The following STXBP3 variants were observed in gnomAD, a reference collection of about 807,000 sequenced individuals.
The protein encoded by STXBP3 is syntaxin binding protein 3.
Under a neutral mutation model 85.7 loss-of-function variants are expected in STXBP3, and 41 were observed. The ratio of observed to expected loss-of-function variants is 0.48; its 90% CI spans 0.37 to 0.62. The LOEUF (loss-of-function observed/expected upper bound fraction) is 0.62, where lower values mean the gene tolerates loss of function less well. Ranked by LOEUF, STXBP3 falls within the 20% of genes least tolerant of loss-of-function variation. STXBP3 has a pLI of 0.00. For missense variants in STXBP3, 563 were observed against 703.1 expected (o/e 0.80, Z 2.25); for synonymous variants, 229 against 231.7 (o/e 0.99, Z 0.10).
intron 13 of STXBP3, 121 bp from the exon 14 acceptor site, chr1:108,796,113 T>G: frequency 3.0e-6 from 3 of 993,924 alleles, no homozygotes; most frequent in Non-Finnish European, 4.4e-6. Context: ...GTGATCTGCC[T>G]TGGCCTCCCA....
At chr1:108,800,451 C>A in intron 17 of STXBP3, 146 bp downstream of exon 17, 2 of 567,596 alleles carry the variant, frequency 3.5e-6, no homozygotes, top group South Asian at 2.5e-5. Flanking sequence ...TTAAATGAAT[C>A]CAGATAAGCA....
At chr1:108,773,861 G>A (rs899668874) in intron 7 of STXBP3, among the ~76,000 whole-genome samples, 35 of 151,794 alleles carry the variant, frequency 2.3e-4, no homozygotes, top group African/African-American at 7.5e-4. Context: ...GCATTATATC[G>A]AGATGACGAA....
chr1:108,777,691 G>T (rs1401097213), intron 8 of STXBP3, among the ~76,000 whole-genome samples: 4 of 152,114 alleles, frequency 2.6e-5, no homozygotes, highest in African/African-American at 4.8e-5. Context: ...TTTCTGCCTG[G>T]AAAATTAATC....
At chr1:108,786,320 G>A (rs1345911058) in intron 11 of STXBP3, among the ~76,000 whole-genome samples, 1 of 152,116 alleles carries the variant, frequency 6.6e-6, no homozygotes, top group African/African-American at 2.4e-5. Context: ...ACTATCACAA[G>A]AACAGCATGG....
Position 108,772,838 on chromosome 1 carries a change from G to T in STXBP3, c.593+19G>T, listed in dbSNP as rs755259572. 1.3e-6 allele frequency: 2 copies of T among 1,563,432 alleles called. No individual in the cohort carries two copies. Among genetic ancestry groups the T allele is most frequent in the Non-Finnish European group, 1.7e-6 (2 of 1,150,936 alleles). On this transcript the variant is annotated intron_variant, in intron 7 of 18. Transcript: ENST00000370008. ...ATAAAAGGTAAGACACTGAGCATCT[G>T]CACATGTTATGCTTCCTATTTACCA...
intron 6 of STXBP3, among the ~76,000 whole-genome samples, chr1:108,771,369 T>C (rs1557805347): frequency 8.3e-6 from 1 of 120,960 alleles, no homozygotes; most frequent in African/African-American, 3.2e-5. Flanking sequence ...GATATATATC[T>C]ATATATATAT....
chr1:108,760,893 T>C (rs369310958), intron 6 of STXBP3, among the ~76,000 whole-genome samples: 166 of 152,020 alleles, frequency 1.1e-3, no homozygotes, highest in African/African-American at 3.8e-3. Context: ...TACTGCTGGG[T>C]TTTTTGTTTT....
rs1473257628 is a variant in STXBP3, at chr1:108,771,583, T to A, written c.439-1082T>A. On this transcript the variant is annotated intron_variant, in intron 6 of 18. Transcript: ENST00000370008. Reference sequence around the variant, plus strand: ...GATATATAAATATATATGATATATATCTATATATATCATATATAAATATAT... The same window carrying A: ...GATATATAAATATATATGATATATAACTATATATATCATATATAAATATAT... 9.3e-5 allele frequency among the ~76,000 whole-genome samples: 3 copies of A among 32,150 alleles called. No individual in the cohort carries two copies. In the East Asian group the frequency reaches 1.1e-3, roughly 12 times the overall value. 21.1% of individuals were successfully genotyped at this position (32,150 alleles called of 152,430 possible).
intron 1 of STXBP3, among the ~76,000 whole-genome samples, chr1:108,751,462 G>A (rs1007277976): frequency 2.0e-5 from 3 of 151,448 alleles, no homozygotes; most frequent in Non-Finnish European, 2.9e-5. Flanking sequence ...ATATAAATTA[G>A]GAAATAGAAA....
chr1:108,774,483 A>G (rs1407775224), intron 7 of STXBP3, among the ~76,000 whole-genome samples: 1 of 152,052 alleles, frequency 6.6e-6, no homozygotes. Flanking sequence ...AAGTCACATT[A>G]CTCTTCACTT....
intron 11 of STXBP3, among the ~76,000 whole-genome samples, chr1:108,787,527 C>G (rs182972414): frequency 6.6e-6 from 1 of 152,018 alleles, no homozygotes; most frequent in Non-Finnish European, 1.5e-5. Flanking sequence ...GTGGGTTAGA[C>G]AAGCTTGTCA....
At chr1:108,769,985 G>A (rs1017771719) in intron 6 of STXBP3, among the ~76,000 whole-genome samples, 4 of 152,134 alleles carry the variant, frequency 2.6e-5, no homozygotes, top group African/African-American at 7.2e-5. Context: ...GAAGTGGCAC[G>A]TGTATCTTCT....
At chr1:108,759,820 T>C (rs907751688) in intron 5 of STXBP3, among the ~76,000 whole-genome samples, 165 bp from the exon 6 acceptor site, 1 of 152,148 alleles carries the variant, frequency 6.6e-6, no homozygotes, top group African/African-American at 2.4e-5. Flanking sequence ...TTCAGTAGAA[T>C]ATATCTTTTG....
chr1:108,801,171 T>C (rs552542959), intron 17 of STXBP3, among the ~76,000 whole-genome samples: 1 of 152,310 alleles, frequency 6.6e-6, no homozygotes, highest in African/African-American at 2.4e-5. Flanking sequence ...GATTCCCTGT[T>C]GTTAACTTGT....
At chr1:108,796,429 TTGAAAAC>T in intron 14 of STXBP3, 57 bp downstream of exon 14, 1 of 1,319,156 alleles carries the variant, frequency 7.6e-7, no homozygotes, top group Non-Finnish European at 1.0e-6. Flanking sequence ...AAAAGAATCT[TTGAAAAC>T]TGAAAGATAG....
chr1:108,751,070 C>T (rs1221439894), intron 1 of STXBP3, among the ~76,000 whole-genome samples: 1 of 152,176 alleles, frequency 6.6e-6, no homozygotes, highest in Non-Finnish European at 1.5e-5. Flanking sequence ...ATGGAGGCTT[C>T]ATTATATAAG....
intron 3 of STXBP3, among the ~76,000 whole-genome samples, chr1:108,755,259 A>G (rs1331105947): frequency 6.6e-6 from 1 of 152,120 alleles, no homozygotes; most frequent in African/African-American, 2.4e-5. Flanking sequence ...CAGCCTGGGC[A>G]ATATAGTGAG....
At chr1:108,751,006 C>T (rs943183390) in intron 1 of STXBP3, among the ~76,000 whole-genome samples, 5 of 152,188 alleles carry the variant, frequency 3.3e-5, no homozygotes, top group Non-Finnish European at 7.4e-5. Flanking sequence ...ACCCTCCTGG[C>T]ACATGGTTTG....
At position 108,758,798 on chromosome 1, in the gene STXBP3, G is replaced by C. The variant is rs138010540; in HGVS notation, c.337+210G>C. Reference sequence around the variant, plus strand: ...TTATATCTATCCTAATTCATATTAAGGTGATAGAAAATTAAAAGAAACTAT... The same window carrying C: ...TTATATCTATCCTAATTCATATTAACGTGATAGAAAATTAAAAGAAACTAT... On this transcript the variant is annotated intron_variant, in intron 5 of 18. Transcript: ENST00000370008. 3.3e-3 allele frequency among the ~76,000 whole-genome samples: 500 copies of C among 152,230 alleles called. 5 individuals are homozygous for C. Among genetic ancestry groups the C allele is most frequent in the African/African-American group, 0.011 (470 of 41,546 alleles).
Sources: allele counts gnomAD v4.1 joint callset (sites outside exome capture counted in the v4.1 genomes callset), GRCh38; gene constraint gnomAD v4.1.1; transcripts MANE v1.5; gene names NCBI Gene and HGNC (gene_info 2026-07-23, HGNC 2026-07-21).